Variants in TBCD observed in about 807,000 individuals in gnomAD.
TBCD encodes the protein tubulin folding cofactor D.
A neutral mutation model predicts 169.3 loss-of-function variants in TBCD; 105 were observed. That is an observed-to-expected ratio of 0.62 (90% confidence interval 0.53 to 0.73). The LOEUF (loss-of-function observed/expected upper bound fraction) is 0.73. TBCD is among the 30% of genes least tolerant of loss of function. The pLI is 0.00. For missense variants in TBCD, 1,444 were observed against 1,600.1 expected (o/e 0.90, Z 1.66); for synonymous variants, 700 against 643.9 (o/e 1.09, Z -1.32).
Position 82,757,678 on chromosome 17 carries a change from G to C in TBCD, c.235+1463G>C, listed in dbSNP as rs111384319. ...AAATTCGGGATTCAAGAATTCATTGGGATCAGACTTGTCCTTCTGTCCTAG... is the reference window on the plus strand; with the variant it reads ...AAATTCGGGATTCAAGAATTCATTGCGATCAGACTTGTCCTTCTGTCCTAG... On this transcript the variant is annotated intron_variant, in intron 2 of 38. Transcript: ENST00000355528. Among the ~76,000 whole-genome samples, 134 of 152,178 alleles carry C rather than the reference G, an allele frequency of 8.8e-4. 3 individuals are homozygous for C. The Middle Eastern group carries it at 0.01, about 12-fold the overall frequency.
At chr17:82,760,424 T>C (rs1037402823) in intron 2 of TBCD, among the ~76,000 whole-genome samples, 2 of 152,184 alleles carry the variant, frequency 1.3e-5, no homozygotes, top group African/African-American at 4.8e-5. Flanking sequence ...TCAGTGAAGG[T>C]TGGTGATTTT....
intron 16 of TBCD, among the ~76,000 whole-genome samples, chr17:82,891,829 A>C (rs2059159240): frequency 1.3e-5 from 2 of 152,038 alleles, no homozygotes; most frequent in Admixed American, 1.3e-4. Flanking sequence ...CTGGAGTTGG[A>C]GACTCTGGTC....
intron 8 of TBCD, among the ~76,000 whole-genome samples, chr17:82,799,619 T>G (rs560292233): frequency 1.3e-5 from 2 of 152,356 alleles, no homozygotes; most frequent in Non-Finnish European, 2.9e-5. Flanking sequence ...GTTTCATCCC[T>G]GCACCGCACA....
intron 2 of TBCD, among the ~76,000 whole-genome samples, chr17:82,763,095 G>A (rs1261678450): frequency 6.6e-6 from 1 of 152,144 alleles, no homozygotes; most frequent in Non-Finnish European, 1.5e-5. Flanking sequence ...GTGCTGTTTA[G>A]GTTTCAGCGA....
chr17:82,850,713 G>GGTGATTTGGCCCCCATGGCCTC (rs1336359924), intron 13 of TBCD, among the ~76,000 whole-genome samples: 3 of 152,190 alleles, frequency 2.0e-5, no homozygotes, highest in Non-Finnish European at 4.4e-5. Context: ...TGCATGGACT[G>GGTGATTTGGCCCCCATGGCCTC]GTGATTTGGC....
chr17:82,783,641 T>C (rs1202541602), intron 7 of TBCD, among the ~76,000 whole-genome samples: 1 of 152,194 alleles, frequency 6.6e-6, no homozygotes, highest in Non-Finnish European at 1.5e-5. Context: ...CTGAGCCCGA[T>C]GTGTCCAAGG....
chr17:82,802,662 TC>T (rs1202931755), intron 9 of TBCD, among the ~76,000 whole-genome samples: 1 of 152,126 alleles, frequency 6.6e-6, no homozygotes, highest in East Asian at 1.9e-4. Flanking sequence ...CAGGAGGGCT[TC>T]CCCCCTCCTC....
chr17:82,771,139 A>C (rs1187713301), intron 5 of TBCD, among the ~76,000 whole-genome samples: 1 of 151,826 alleles, frequency 6.6e-6, no homozygotes, highest in African/African-American at 2.4e-5. Flanking sequence ...AACAAAAAAA[A>C]CCGAGACAAG....
At chr17:82,816,534 C>T (rs1021497190) in intron 13 of TBCD, among the ~76,000 whole-genome samples, 1 of 151,784 alleles carries the variant, frequency 6.6e-6, no homozygotes, top group Non-Finnish European at 1.5e-5. Context: ...CCAACACTTG[C>T]TTTTATCTTT....
At chr17:82,942,308 GGT>G in intron 38 of TBCD, 139 bp from the exon 39 acceptor site, 3 of 1,214,612 alleles carry the variant, frequency 2.5e-6, no homozygotes, top group Non-Finnish European at 3.5e-6. Context: ...CAGGCTGCCG[GGT>G]GTGTGGGAAA....
chr17:82,877,776 A>G (rs757027666), intron 14 of TBCD, among the ~76,000 whole-genome samples: 22 of 152,260 alleles, frequency 1.4e-4, no homozygotes, highest in Non-Finnish European at 2.9e-4. Context: ...GTGCTAATGT[A>G]ACGTGAGTTC....
At chr17:82,933,301 G>T (rs1004446436) in intron 34 of TBCD, among the ~76,000 whole-genome samples, 2 of 130,490 alleles carry the variant, frequency 1.5e-5, no homozygotes, top group African/African-American at 5.7e-5. Context: ...TTGAGACAGG[G>T]TCTAGCTCTG....
At position 82,832,002 on chromosome 17, in the gene TBCD, A is replaced by C. The variant is rs1443927211; in HGVS notation, c.1318+17068A>C. 6 of 1,612,708 alleles carry C rather than the reference A, an allele frequency of 3.7e-6. No homozygotes were observed. The South Asian group carries it at 5.5e-5, about 15-fold the overall frequency. On this transcript the variant is annotated intron_variant, in intron 13 of 38. Transcript: ENST00000355528. The surrounding 1 kb of genome is among the most constrained non-coding windows in gnomAD (Gnocchi z 4.9). ...AAGGCCGAGCTGCGCCTTCCAGAGC[A>C]GGCTGGGCACCGAGGGCGGCTTCCG... is the stretch of plus-strand genomic sequence containing the variant.
intron 21 of TBCD, 139 bp from the exon 22 acceptor site, chr17:82,909,146 T>A: frequency 1.6e-6 from 1 of 618,168 alleles, no homozygotes; most frequent in Non-Finnish European, 2.8e-6. Context: ...GCCTCCGTCC[T>A]CAGCCCCCTA....
At chr17:82,763,802 G>A (rs900440763) in intron 2 of TBCD, among the ~76,000 whole-genome samples, 163 bp from the exon 3 acceptor site, 19 of 152,132 alleles carry the variant, frequency 1.2e-4, no homozygotes, top group African/African-American at 4.3e-4. Flanking sequence ...TGCAATAGTA[G>A]GATCATAGCT....
At chr17:82,837,749 G>A (rs28706217) in intron 13 of TBCD, among the ~76,000 whole-genome samples, 69,515 of 152,016 alleles carry the variant, frequency 0.46, 16,019 homozygotes, top group East Asian at 0.54. Flanking sequence ...GGTGGCTGTT[G>A]CTGAAATACT....
chr17:82,909,124 G>A (rs570738971), intron 21 of TBCD, among the ~76,000 whole-genome samples, 161 bp from the exon 22 acceptor site: 11 of 152,336 alleles, frequency 7.2e-5, no homozygotes, highest in African/African-American at 2.4e-4. Flanking sequence ...GGCCATCTGC[G>A]TCAGTAGGTG....
At chr17:82,871,124 C>T (rs1193652042) in intron 14 of TBCD, among the ~76,000 whole-genome samples, 1 of 148,528 alleles carries the variant, frequency 6.7e-6, no homozygotes, top group African/African-American at 2.5e-5. Context: ...CTGTGGCGGG[C>T]GGGGCTCCTG....
rs779660190 is a variant in TBCD at position 82,930,234 on chromosome 17, G to T, written c.2992-288G>T. The T allele has an allele frequency of 2.3e-6, 1 of 436,280 alleles. No homozygotes were observed. The highest frequency in any genetic ancestry group is 4.1e-6 in the Non-Finnish European group (1 of 242,332). 27.0% of individuals were successfully genotyped at this position (436,280 alleles called of 1,614,324 possible). A position where few individuals can be genotyped will look rare whatever the true frequency, so the allele number is the denominator to read the frequency against. ...TCCCGCTTCAGTGGGAAACGTGAGCGAAACCCAAGGTGAGTGGCCGCAGCC... is the reference window on the plus strand; with the variant it reads ...TCCCGCTTCAGTGGGAAACGTGAGCTAAACCCAAGGTGAGTGGCCGCAGCC... On this transcript the variant is annotated intron_variant, in intron 32 of 38. Transcript: ENST00000355528. This position sits in a 1 kb window ranked among gnomAD's most constrained non-coding sequence, Gnocchi z 5.2.
Sources: allele counts gnomAD v4.1 joint callset (sites outside exome capture counted in the v4.1 genomes callset), GRCh38; gene constraint gnomAD v4.1.1; non-coding constraint Gnocchi (gnomAD v3.1); transcripts MANE v1.5; gene names NCBI Gene and HGNC (gene_info 2026-07-23, HGNC 2026-07-21).